Variants in PIGN observed in about 807,000 individuals in gnomAD.
The protein encoded by PIGN is phosphatidylinositol glycan anchor biosynthesis class N, also known as GPI ethanolamine phosphate transferase 1.
A neutral mutation model predicts 125.4 loss-of-function variants in PIGN; 117 were observed. That is an observed-to-expected ratio of 0.93 (90% confidence interval 0.80 to 1.09). The LOEUF is 1.09. Ranked by LOEUF, PIGN falls within the 50% of genes least tolerant of loss-of-function variation. PIGN has a pLI of 0.00. For synonymous variants in PIGN, 392 were observed against 377.8 expected, an observed-to-expected ratio of 1.04 and a Z score of -0.44; for missense variants, 1,075 against 1,094.9, an observed-to-expected ratio of 0.98 and a Z score of 0.26.
In PIGN at chr18:62,097,162, G is replaced by A. The variant is rs533732818; in HGVS notation, c.2078-1212C>T. Among the ~76,000 whole-genome samples the A allele has an allele frequency of 6.1e-4, 82 of 133,792 alleles. 1 individual carries two copies. Among genetic ancestry groups the A allele is most frequent in the Admixed American group, 1.8e-3 (24 of 13,066 alleles). The allele number at this position is 133,792 out of a possible 152,430, so 87.8% of individuals were successfully genotyped here. ...ACCTACAACATGGGAGAAAATTTTC[G>A]CAACCTACTCATCTGACAAAGGGCT... On this transcript the variant is annotated intron_variant, in intron 22 of 30. Coordinates refer to ENST00000640252, the MANE Select transcript of PIGN (RefSeq NM_176787.5).
intron 12 of PIGN, 31 bp downstream of exon 12, chr18:62,140,389 T>C (rs1360189465): frequency 3.0e-6 from 3 of 987,418 alleles, no homozygotes; most frequent in Non-Finnish European, 4.6e-6. Flanking sequence ...TTTTTTATAC[T>C]GAGAGTTGAT....
At chr18:62,146,885 A>T (rs1157790335) in intron 9 of PIGN, 86 bp downstream of exon 9, 2 of 1,378,050 alleles carry the variant, frequency 1.5e-6, no homozygotes, top group East Asian at 4.8e-5. Flanking sequence ...CAAGACATCT[A>T]ATCCTCTCAA....
intron 17 of PIGN, among the ~76,000 whole-genome samples, chr18:62,109,009 TG>T (rs1465470546): frequency 6.6e-6 from 1 of 152,198 alleles, no homozygotes. Flanking sequence ...AAGCCAACCT[TG>T]GGGATACCCT....
intron 30 of PIGN, among the ~76,000 whole-genome samples, chr18:62,058,533 A>G (rs1014622478): frequency 4.6e-5 from 7 of 152,216 alleles, no homozygotes; most frequent in African/African-American, 1.7e-4. Context: ...TCATATTTTC[A>G]AAAGTATTTA....
intron 7 of PIGN, chr18:62,153,752 A>G (rs972676304): frequency 4.6e-5 from 7 of 152,196 alleles, no homozygotes; most frequent in East Asian, 1.9e-4. Flanking sequence ...AAGCAAATAC[A>G]AAGAAAAAGG....
chr18:62,159,222 C>T lies in PIGN; in HGVS notation c.222-1414G>A, dbSNP rs1317316510. On this transcript the variant is annotated intron_variant, in intron 4 of 30. Coordinates refer to ENST00000640252, the MANE Select transcript of PIGN (RefSeq NM_176787.5). ...TTGCACCATTGCACTCCAGCCTGGG[C>T]GACAGAGTGAGACTCCCTCTCAAAA... is the stretch of plus-strand genomic sequence containing the variant. Among the ~76,000 whole-genome samples the T allele has an allele frequency of 5.3e-5, 8 of 152,228 alleles. No individual in the cohort carries two copies. In the South Asian group the frequency reaches 1.5e-3, roughly 28 times the overall value.
chr18:62,169,509 C>A (rs1243659121), intron 1 of PIGN, among the ~76,000 whole-genome samples: 2 of 152,102 alleles, frequency 1.3e-5, no homozygotes, highest in Non-Finnish European at 2.9e-5. Flanking sequence ...AAGCAATCCT[C>A]CTGCCTTGGA....
chr18:62,159,131 C>G (rs1430392568), intron 4 of PIGN, among the ~76,000 whole-genome samples: 1 of 152,182 alleles, frequency 6.6e-6, no homozygotes, highest in Non-Finnish European at 1.5e-5. Context: ...GTAATCCCAG[C>G]TACTCAGGAG....
intron 25 of PIGN, 102 bp downstream of exon 25, chr18:62,088,654 T>A: frequency 1.4e-6 from 1 of 707,952 alleles, no homozygotes. Context: ...GTTAAAGTAC[T>A]TAACACCACT....
intron 1 of PIGN, among the ~76,000 whole-genome samples, chr18:62,181,662 T>C (rs890119995): frequency 3.9e-5 from 6 of 152,152 alleles, no homozygotes; most frequent in African/African-American, 1.4e-4. Context: ...TCTACTCACC[T>C]CGGCCTCCTA....
downstream of PIGN, among the ~76,000 whole-genome samples, chr18:62,038,908 A>G (rs2030297215): frequency 6.7e-6 from 1 of 150,316 alleles, no homozygotes; most frequent in Admixed American, 6.6e-5. Context: ...ACACAGTGAG[A>G]CCCTGTCTCA....
At chr18:62,133,559 T>C (rs1019389769) in intron 14 of PIGN, among the ~76,000 whole-genome samples, 2 of 152,190 alleles carry the variant, frequency 1.3e-5, no homozygotes, top group Admixed American at 1.3e-4. Flanking sequence ...AGTAAGTAAT[T>C]TGGAGAGGAC....
chr18:62,127,798 C>A, intron 14 of PIGN, among the ~76,000 whole-genome samples: 1 of 152,102 alleles, frequency 6.6e-6, no homozygotes, highest in Non-Finnish European at 1.5e-5. Flanking sequence ...TCAAGTGATC[C>A]TCCCATATCA....
intron 17 of PIGN, among the ~76,000 whole-genome samples, 164 bp from the exon 18 acceptor site, chr18:62,107,249 ATT>A (rs896187557): frequency 6.6e-6 from 1 of 151,288 alleles, no homozygotes; most frequent in Admixed American, 6.6e-5. Context: ...TTATTTACCT[ATT>A]TTTTTTTAAT....
intron 17 of PIGN, 48 bp from the exon 18 acceptor site, chr18:62,107,133 T>C (rs1001773342): frequency 6.9e-6 from 8 of 1,156,498 alleles, no homozygotes; most frequent in East Asian, 5.1e-5. Flanking sequence ...AGGTCATACA[T>C]AGTATAACAA....
intron 23 of PIGN, 99 bp from the exon 24 acceptor site, chr18:62,090,677 G>A: frequency 1.6e-6 from 1 of 644,790 alleles, no homozygotes; most frequent in Admixed American, 2.9e-5. Context: ...AAAACAATTT[G>A]ATAATACTTC....
At chr18:62,129,034 T>C (rs2035637395) in intron 14 of PIGN, among the ~76,000 whole-genome samples, 1 of 152,124 alleles carries the variant, frequency 6.6e-6, no homozygotes, top group Admixed American at 6.6e-5. Flanking sequence ...TTCTATTAGC[T>C]CTCAACACCT....
At chr18:62,130,326 T>G (rs1341881638) in intron 14 of PIGN, among the ~76,000 whole-genome samples, 1 of 152,164 alleles carries the variant, frequency 6.6e-6, no homozygotes, top group Non-Finnish European at 1.5e-5. Flanking sequence ...CAAGGAAAAG[T>G]GATGGTTTTA....
intron 4 of PIGN, among the ~76,000 whole-genome samples, chr18:62,159,361 C>CA (rs1477171166): frequency 3.7e-4 from 56 of 152,286 alleles, no homozygotes; most frequent in African/African-American, 1.3e-3. Context: ...TTTGAGCCCA[C>CA]AGAGCTTCCG....
Sources: gnomAD v4.1 joint callset for allele counts (sites outside exome capture counted in the v4.1 genomes callset) on GRCh38, gnomAD v4.1.1 for gene constraint, MANE v1.5 for transcripts, NCBI Gene and HGNC (gene_info 2026-07-23, HGNC 2026-07-21) for gene names.